PWWP2A: variants seen among roughly 807,000 people sequenced by gnomAD.
PWWP2A encodes the protein PWWP domain containing 2A.
In PWWP2A, 18 loss-of-function variants were observed where a neutral mutation model predicts 48.5. The ratio of observed to expected loss-of-function variants is 0.37; its 90% confidence interval spans 0.26 to 0.55. The LOEUF is 0.55. Ranked by LOEUF, PWWP2A falls within the 20% of genes least tolerant of loss-of-function variation. The pLI is 0.81. For missense variants in PWWP2A, 867 were observed against 976.4 expected (o/e 0.89, Z 1.49); for synonymous variants, 396 against 387.7 (o/e 1.02, Z -0.25).
intron 2 of PWWP2A, among the ~76,000 whole-genome samples, chr5:160,067,582 C>T (rs1260633888): frequency 3.3e-5 from 5 of 152,184 alleles, no homozygotes; most frequent in African/African-American, 1.2e-4. Flanking sequence ...TCCTCCTCCT[C>T]TTCCTCTCAA....
intron 1 of PWWP2A, chr5:160,108,565 A>G (rs1757131250): frequency 7.8e-7 from 1 of 1,287,124 alleles, no homozygotes; most frequent in Non-Finnish European, 1.0e-6. Context: ...GAATGGCTGT[A>G]TATTTTTCCC....
In PWWP2A at chr5:160,092,513, A is replaced by C. The variant is rs774949226; in HGVS notation, c.2137T>G (p.Leu713Val). ...FLALSQLSPF[L>V]ENFQSRFNKK... is the part of the protein sequence containing the mutation. Reference sequence around the variant, plus strand: ...TTAAAGCGTGACTGGAAGTTTTCTAAAAAGGGGGAGAGTTGTGAAAGAGCA... The same window carrying C: ...TTAAAGCGTGACTGGAAGTTTTCTACAAAGGGGGAGAGTTGTGAAAGAGCA... Residue 713 changes from leucine (L) to valine (V), a missense_variant, in exon 2 of 2, where the codon TTA becomes GTA. Around this residue, in one of 4 missense-constraint regions of PWWP2A, gnomAD observed 97 missense variants for 151.7 expected, o/e 0.64. Coordinates refer to ENST00000307063, the MANE Select transcript of PWWP2A (RefSeq NM_001130864.2). 7.1e-6 allele frequency: 11 copies of C among 1,551,600 alleles called. No individual in the cohort carries two copies. In the Middle Eastern group the frequency reaches 1.2e-3, roughly 165 times the overall value.
chr5:160,066,315 TGAGGGGGG>T (rs1753608407), intron 4 of PWWP2A, among the ~76,000 whole-genome samples: 1 of 147,878 alleles, frequency 6.8e-6, no homozygotes. Context: ...TTTTTTTTTT[TGAGGGGGG>T]TCTCGCTCTG....
At chr5:160,076,008 T>C (rs898691670) in exon 4 of PWWP2A, 12 of 152,156 alleles carry the variant, frequency 7.9e-5, no homozygotes, top group African/African-American at 2.9e-4. Flanking sequence ...AATAGGCTTA[T>C]GAAGATTGAA....
At chr5:160,089,239 C>T (rs1338124017), downstream of PWWP2A, among the ~76,000 whole-genome samples, 1 of 152,054 alleles carries the variant, frequency 6.6e-6, no homozygotes, top group East Asian at 1.9e-4. Context: ...TTGCCCAGAC[C>T]AGAGTGCAGT....
intron 4 of PWWP2A, among the ~76,000 whole-genome samples, chr5:160,066,295 C>CTTTTTTTTTTTTTTTTTTTTTT (rs748083955): frequency 1.4e-4 from 8 of 57,940 alleles, no homozygotes; most frequent in African/African-American, 4.5e-4. Flanking sequence ...AAGTGGTTCT[C>CTTTTTTTTTTTTTTTTTTTTTT]ATTTTTTTTT....
At chr5:160,050,781 A>G in the PWWP2A span, among the ~76,000 whole-genome samples, 3 of 151,838 alleles carry the variant, frequency 2.0e-5, no homozygotes, top group Non-Finnish European at 4.4e-5. Context: ...ACATGCCAAC[A>G]CACCCAGCTA....
At chr5:160,072,943 G>A (rs1004221449), downstream of PWWP2A, among the ~76,000 whole-genome samples, 9 of 142,548 alleles carry the variant, frequency 6.3e-5, no homozygotes, top group African/African-American at 2.1e-4. Flanking sequence ...GGCGGAAGTT[G>A]CAGTGTGCCG....
the PWWP2A span, among the ~76,000 whole-genome samples, chr5:160,050,854 G>T: frequency 1.3e-5 from 2 of 151,902 alleles, no homozygotes; most frequent in Non-Finnish European, 2.9e-5. Context: ...TCAAACTCCT[G>T]AGCTCAAGCG....
rs1290510348 is a variant in PWWP2A, at chr5:160,093,117, G to A, written c.1533C>T (p.Thr511=). 1 of 1,613,932 alleles carries A rather than the reference G, an allele frequency of 6.2e-7. No individual in the cohort carries two copies. The highest frequency in any genetic ancestry group is 8.5e-7 in the Non-Finnish European group (1 of 1,179,888). ...GGGCCTCACCTGCTGAGCGGGTAGA[G>A]GTGCAGCGAGACTGGGGCTTGGGTG... ...KMAPKPQSRC[T]STRSAGEAPS... The change falls in exon 2 of 2, where the codon ACC becomes ACT. Residue 511 remains threonine (T), a synonymous_variant. Transcript: ENST00000307063. This position sits in a 1 kb window ranked among gnomAD's most constrained non-coding sequence, Gnocchi z 5.8.
the PWWP2A span, among the ~76,000 whole-genome samples, chr5:160,045,751 T>C: frequency 6.6e-6 from 1 of 151,906 alleles, no homozygotes; most frequent in Non-Finnish European, 1.5e-5. Flanking sequence ...TATTTTTTAT[T>C]TTATTTTTTG....
chr5:160,080,678 C>A, exon 3 of PWWP2A: 1 of 1,565,190 alleles, frequency 6.4e-7, no homozygotes, highest in East Asian at 2.3e-5. Context: ...AACTTCAATG[C>A]TCCCAGTCTG....
At position 160,092,647 on chromosome 5, in the gene PWWP2A, C is replaced by G; in HGVS notation, c.2003G>C (p.Trp668Ser). 6.4e-7 allele frequency: 1 copy of G among 1,551,696 alleles called. No individual in the cohort carries two copies. Among genetic ancestry groups the G allele is most frequent in the East Asian group, 2.4e-5 (1 of 40,922 alleles). Reference sequence around the variant, plus strand: ...TATAGTAAGAATACGGGCTGGCCACCAAGGGAAGCCATATATCTTGGCCCA... The same window carrying G: ...TATAGTAAGAATACGGGCTGGCCACGAAGGGAAGCCATATATCTTGGCCCA... ...IVWAKIYGFP[W>S]WPARILTITV... Residue 668 changes from tryptophan to serine, a missense_variant, in exon 2 of 2, where the codon TGG becomes TCG. Around this residue, in one of 4 missense-constraint regions of PWWP2A, gnomAD observed 97 missense variants for 151.7 expected, o/e 0.64. Coordinates refer to ENST00000307063, the MANE Select transcript of PWWP2A (RefSeq NM_001130864.2).
rs1755154750 is a variant in PWWP2A at position 160,092,214 on chromosome 5, T to C, written c.*168A>G. 7.3e-7 allele frequency: 1 copy of C among 1,365,610 alleles called. No homozygotes were observed. Among genetic ancestry groups the C allele is most frequent in the Non-Finnish European group, 9.4e-7 (1 of 1,062,350 alleles). 84.6% of individuals were successfully genotyped at this position (1,365,610 alleles called of 1,614,324 possible). A position where few individuals can be genotyped will look rare whatever the true frequency, so the allele number is the denominator to read the frequency against. ...ACACAAAATTTGATTATATGTTCAG[T>C]TTAAGCTCTCAGTCTAAAAATGGCT... On this transcript the variant is annotated 3_prime_UTR_variant, in exon 2 of 2. Transcript: ENST00000307063.
At chr5:160,054,852 C>T in the PWWP2A span, among the ~76,000 whole-genome samples, 3 of 152,012 alleles carry the variant, frequency 2.0e-5, no homozygotes, top group East Asian at 5.8e-4. Flanking sequence ...TTTTTGCTCA[C>T]ATAGGTAAAT....
chr5:160,062,683 G>C (rs911908087), intron 5 of PWWP2A, among the ~76,000 whole-genome samples: 2 of 152,118 alleles, frequency 1.3e-5, no homozygotes, highest in African/African-American at 4.8e-5. Flanking sequence ...TCTCCACCAT[G>C]GAGCTGCCCC....
chr5:160,063,633 C>G (rs895444656), exon 5 of PWWP2A: 1 of 152,200 alleles, frequency 6.6e-6, no homozygotes, highest in East Asian at 1.9e-4. Context: ...AGGGATTTCT[C>G]TTTTCGTCCA....
Position 160,092,202 on chromosome 5 carries a change from T to C in PWWP2A, c.*180A>G, listed in dbSNP as rs1035245502. 8 of 1,323,512 alleles carry C rather than the reference T, an allele frequency of 6.0e-6. No homozygotes were observed. The highest frequency in any genetic ancestry group is 7.7e-6 in the Non-Finnish European group (8 of 1,040,162). 82.0% of individuals were successfully genotyped at this position (1,323,512 alleles called of 1,614,324 possible). A position where few individuals can be genotyped will look rare whatever the true frequency, so the allele number is the denominator to read the frequency against. ...CTCACTTCCTTAACACAAAATTTGA[T>C]TATATGTTCAGTTTAAGCTCTCAGT... On this transcript the variant is annotated 3_prime_UTR_variant, in exon 2 of 2. Coordinates refer to ENST00000307063, the MANE Select transcript of PWWP2A (RefSeq NM_001130864.2).
intron 2 of PWWP2A, among the ~76,000 whole-genome samples, chr5:160,084,421 T>C (rs1425512279): frequency 6.6e-6 from 1 of 152,160 alleles, no homozygotes; most frequent in Non-Finnish European, 1.5e-5. Flanking sequence ...TAAGCACTAC[T>C]GTTGCAAAAA....
Sources: allele counts gnomAD v4.1 joint callset (sites outside exome capture counted in the v4.1 genomes callset), GRCh38; gene constraint gnomAD v4.1.1; regional missense constraint gnomAD v4.1.1; non-coding constraint Gnocchi (gnomAD v3.1); transcripts MANE v1.5; gene names NCBI Gene and HGNC (gene_info 2026-07-23, HGNC 2026-07-21).